DGKB: variants seen among roughly 807,000 people sequenced by gnomAD.
DGKB encodes the protein 90 kDa diacylglycerol kinase.
A neutral mutation model predicts 114.3 loss-of-function variants in DGKB; 67 were observed. The observed-to-expected ratio is 0.59, with a 90% CI of 0.48 to 0.72. The LOEUF (loss-of-function observed/expected upper bound fraction) is 0.72. Among genes scored for constraint, DGKB ranks in the 30% least tolerant of loss-of-function variants. The pLI, the probability that DGKB is intolerant of heterozygous loss-of-function variation, is 0.00. For synonymous variants in DGKB, 398 were observed against 323.1 expected (o/e 1.23, Z -2.49); for missense variants, 907 against 975.2 (o/e 0.93, Z 0.93).
At chr7:14,695,936 A>T (rs1823797611) in intron 8 of DGKB, among the ~76,000 whole-genome samples, 1 of 152,194 alleles carries the variant, frequency 6.6e-6, no homozygotes, top group Non-Finnish European at 1.5e-5. Context: ...ATAATGTACA[A>T]CTTTGTACCA....
At chr7:14,418,013 T>C (rs1825977489) in intron 21 of DGKB, among the ~76,000 whole-genome samples, 1 of 151,260 alleles carries the variant, frequency 6.6e-6, no homozygotes, top group Non-Finnish European at 1.5e-5. Context: ...CATCATTTGC[T>C]TATTAATAAA....
At chr7:14,780,631 A>ATT (rs79637764) in intron 2 of DGKB, among the ~76,000 whole-genome samples, 119 of 151,434 alleles carry the variant, frequency 7.9e-4, no homozygotes, top group African/African-American at 2.9e-3. Flanking sequence ...TGTTCCACAG[A>ATT]TTTTTTTTTC....
intron 1 of DGKB, among the ~76,000 whole-genome samples, chr7:14,852,987 A>G (rs934738862): frequency 6.6e-6 from 1 of 152,192 alleles, no homozygotes; most frequent in Admixed American, 6.5e-5. Context: ...ATTAATTAAA[A>G]AATTATAAAT....
intron 20 of DGKB, among the ~76,000 whole-genome samples, chr7:14,567,122 AAT>A (rs1017543268): frequency 8.8e-6 from 1 of 113,756 alleles, no homozygotes; most frequent in African/African-American, 3.4e-5. Context: ...ATATTATATA[AAT>A]ATATAATTAT....
At chr7:14,754,003 CATT>C (rs1307424005) in intron 3 of DGKB, 55 bp from the exon 4 acceptor site, 25 of 1,160,694 alleles carry the variant, frequency 2.2e-5, no homozygotes, top group Non-Finnish European at 2.9e-5. Context: ...ACTTTATACT[CATT>C]ATCTCATATC....
chr7:14,508,709 G>C lies in DGKB; in HGVS notation c.1771-30484C>G, dbSNP rs554752825. On this transcript the variant is annotated intron_variant, in intron 20 of 25. Transcript: ENST00000402815. ...TAGATAAGTTGATACTGAACTTCTA[G>C]AGGTAAGGTTGAAAATACTTTGAAA... 4.6e-5 allele frequency among the ~76,000 whole-genome samples: 7 copies of C among 152,242 alleles called. No homozygotes were observed. In the South Asian group the frequency reaches 6.2e-4, roughly 14 times the overall value.
At chr7:14,585,090 A>T (rs1286196044) in intron 17 of DGKB, among the ~76,000 whole-genome samples, 1 of 152,182 alleles carries the variant, frequency 6.6e-6, no homozygotes, top group Non-Finnish European at 1.5e-5. Flanking sequence ...TATGTATAAA[A>T]ATTACTAAAA....
At chr7:14,852,072 G>A (rs1050118801) in intron 1 of DGKB, among the ~76,000 whole-genome samples, 4 of 152,060 alleles carry the variant, frequency 2.6e-5, no homozygotes, top group African/African-American at 9.7e-5. Context: ...CTAATTATTG[G>A]TAGTTGGTTA....
chr7:14,190,559 AC>A (rs1389526437), intron 23 of DGKB, among the ~76,000 whole-genome samples: 2 of 111,500 alleles, frequency 1.8e-5, no homozygotes, highest in African/African-American at 3.5e-5. Flanking sequence ...GCAGAAATAA[AC>A]AAAATTGATG....
At chr7:14,584,770 T>A (rs1013181827) in intron 17 of DGKB, among the ~76,000 whole-genome samples, 2 of 152,104 alleles carry the variant, frequency 1.3e-5, no homozygotes, top group African/African-American at 4.8e-5. Flanking sequence ...GGGATTCTCC[T>A]GCCTCAGCCT....
intron 20 of DGKB, among the ~76,000 whole-genome samples, chr7:14,531,485 T>C (rs144766727): frequency 6.6e-6 from 1 of 151,630 alleles, no homozygotes; most frequent in East Asian, 1.9e-4. Context: ...TATTTAGAAA[T>C]GCATTTAACC....
intron 1 of DGKB, among the ~76,000 whole-genome samples, chr7:14,933,000 T>C (rs1340827204): frequency 1.3e-5 from 2 of 152,190 alleles, no homozygotes; most frequent in African/African-American, 4.8e-5. Flanking sequence ...GGGGCAAGAA[T>C]AGTTTCCTAT....
chr7:14,447,189 C>T (rs1830838949), intron 21 of DGKB, among the ~76,000 whole-genome samples: 1 of 152,010 alleles, frequency 6.6e-6, no homozygotes, highest in South Asian at 2.1e-4. Flanking sequence ...GGGTGGAACC[C>T]ACAGAAGACT....
rs114134512 is a variant in DGKB, at chr7:14,741,735, G to T, written c.169-5541C>A. On this transcript the variant is annotated intron_variant, in intron 4 of 25. Coordinates refer to ENST00000402815, the MANE Select transcript of DGKB (RefSeq NM_001350709.2). ...CCCTTTGAAAATACCTTGTATACTC[G>T]CAGTTAAATCATAACTTTTTGGGGC... Among the ~76,000 whole-genome samples the T allele has an allele frequency of 5.9e-3, 900 of 152,106 alleles. 3 individuals carry two copies. The highest frequency in any genetic ancestry group is 0.021 in the African/African-American group (860 of 41,468).
intron 1 of DGKB, among the ~76,000 whole-genome samples, chr7:14,892,264 G>T (rs557147265): frequency 2.0e-5 from 3 of 151,266 alleles, no homozygotes; most frequent in African/African-American, 7.3e-5. Context: ...AGTGGATAAC[G>T]TGGAAAGAAG....
intron 1 of DGKB, among the ~76,000 whole-genome samples, chr7:14,939,730 C>T (rs1384643838): frequency 6.9e-6 from 1 of 145,628 alleles, no homozygotes; most frequent in Admixed American, 7.1e-5. Context: ...TCTCCTGCCT[C>T]AGACTCCTGA....
At chr7:14,645,148 T>A (rs1428721619) in intron 13 of DGKB, among the ~76,000 whole-genome samples, 1 of 152,090 alleles carries the variant, frequency 6.6e-6, no homozygotes, top group Non-Finnish European at 1.5e-5. Context: ...ATTCCCCGAT[T>A]CTAAGCCCAT....
At chr7:14,689,406 C>G (rs1822416745) in intron 9 of DGKB, among the ~76,000 whole-genome samples, 1 of 151,540 alleles carries the variant, frequency 6.6e-6, no homozygotes, top group Admixed American at 6.6e-5. Context: ...CACCTGACCT[C>G]GTGATCCGCC....
chr7:14,903,615 C>T (rs1400270582), upstream of DGKB, among the ~76,000 whole-genome samples: 4 of 152,178 alleles, frequency 2.6e-5, no homozygotes, highest in East Asian at 1.9e-4. Flanking sequence ...GCTGCAGACG[C>T]TCTTGCTGCA....
Sources: allele counts gnomAD v4.1 joint callset (sites outside exome capture counted in the v4.1 genomes callset), GRCh38; gene constraint gnomAD v4.1.1; transcripts MANE v1.5; gene names NCBI Gene and HGNC (gene_info 2026-07-23, HGNC 2026-07-21).